The following NYAP2 variants were observed in gnomAD, a reference collection of about 807,000 sequenced individuals.
NYAP2 encodes the protein neuronal tyrosine-phosphorylated phosphoinositide-3-kinase adapter 2.
A neutral mutation model predicts 50.4 loss-of-function variants in NYAP2; 23 were observed. The observed-to-expected ratio is 0.46, with a 90% CI of 0.33 to 0.65. The LOEUF is 0.65. Among genes scored for constraint, NYAP2 ranks in the 30% least tolerant of loss-of-function variants. The pLI, the probability that NYAP2 is intolerant of heterozygous loss-of-function variation, is 0.02. For synonymous variants in NYAP2, 394 were observed against 365.2 expected (o/e 1.08, Z -0.90); for missense variants, 885 against 861.0 (o/e 1.03, Z -0.35).
chr2:225,563,898 A>T (rs1691916372), intron 4 of NYAP2, among the ~76,000 whole-genome samples: 1 of 152,072 alleles, frequency 6.6e-6, no homozygotes, highest in African/African-American at 2.4e-5. Context: ...TTAAGGTATG[A>T]CTTGGGGGTG....
chr2:225,458,118 ATG>A (rs1354680800), intron 3 of NYAP2, among the ~76,000 whole-genome samples: 3 of 152,170 alleles, frequency 2.0e-5, no homozygotes, highest in Non-Finnish European at 4.4e-5. Context: ...ATTGAAGAAA[ATG>A]TAAAATTAGC....
chr2:225,517,338 A>AT (rs1437433900), intron 4 of NYAP2, among the ~76,000 whole-genome samples: 2 of 152,154 alleles, frequency 1.3e-5, no homozygotes, highest in African/African-American at 4.8e-5. Context: ...GAGAGGCCCT[A>AT]TGAGCTGTGT....
chr2:225,594,261 T>A (rs1396783765), intron 5 of NYAP2, among the ~76,000 whole-genome samples: 1 of 152,168 alleles, frequency 6.6e-6, no homozygotes, highest in Non-Finnish European at 1.5e-5. Context: ...CGGTGGCTGA[T>A]GCCTGTAATC....
chr2:225,573,313 G>A (rs756196225), intron 4 of NYAP2, among the ~76,000 whole-genome samples: 19 of 147,266 alleles, frequency 1.3e-4, no homozygotes, highest in South Asian at 2.1e-4. Flanking sequence ...GTGCAATGCC[G>A]TGATCTAGGC....
At chr2:225,681,274 A>G in the NYAP2 span, among the ~76,000 whole-genome samples, 2 of 152,196 alleles carry the variant, frequency 1.3e-5, no homozygotes, top group Non-Finnish European at 2.9e-5. Context: ...AAGATCACAT[A>G]TGAAAAATTT....
downstream of NYAP2, among the ~76,000 whole-genome samples, chr2:225,658,452 T>A (rs1693861948): frequency 1.3e-5 from 2 of 152,218 alleles, no homozygotes; most frequent in African/African-American, 4.8e-5. Context: ...GAAATTATGC[T>A]TATTTGTTAT....
intron 4 of NYAP2, among the ~76,000 whole-genome samples, chr2:225,517,130 A>G (rs1003947629): frequency 6.6e-6 from 1 of 152,236 alleles, no homozygotes; most frequent in Non-Finnish European, 1.5e-5. Flanking sequence ...ACTCTGTTAC[A>G]TTAAAAATAT....
chr2:225,510,512 C>A (rs1316556419), intron 3 of NYAP2, among the ~76,000 whole-genome samples: 1 of 152,188 alleles, frequency 6.6e-6, no homozygotes, highest in African/African-American at 2.4e-5. Flanking sequence ...ATGTTCCTAG[C>A]AAATTCAGAA....
At chr2:225,660,274 A>C in the NYAP2 span, among the ~76,000 whole-genome samples, 1 of 152,178 alleles carries the variant, frequency 6.6e-6, no homozygotes, top group African/African-American at 2.4e-5. Flanking sequence ...AAGTACGTAG[A>C]AATTGGCTAC....
chr2:225,685,682 T>A, the NYAP2 span, among the ~76,000 whole-genome samples: 3 of 152,142 alleles, frequency 2.0e-5, no homozygotes, highest in Non-Finnish European at 1.5e-5. Flanking sequence ...TACTTTATAA[T>A]CATAAAATAG....
intron 5 of NYAP2, among the ~76,000 whole-genome samples, chr2:225,609,784 G>T (rs770407869): frequency 6.6e-6 from 1 of 152,136 alleles, no homozygotes; most frequent in Non-Finnish European, 1.5e-5. Flanking sequence ...AGTGTTAATA[G>T]CATCATAATA....
chr2:225,405,297 C>G (rs542750176), intron 2 of NYAP2, among the ~76,000 whole-genome samples: 14 of 152,016 alleles, frequency 9.2e-5, no homozygotes, highest in African/African-American at 2.9e-4. Context: ...TGAGACAGAG[C>G]TAAAGATGCT....
At chr2:225,425,421 G>T (rs1220472882) in intron 3 of NYAP2, among the ~76,000 whole-genome samples, 1 of 152,178 alleles carries the variant, frequency 6.6e-6, no homozygotes, top group Non-Finnish European at 1.5e-5. Flanking sequence ...ATTAAATTGA[G>T]GTCTCATGTT....
At chr2:225,539,346 T>C (rs1419452009) in intron 4 of NYAP2, among the ~76,000 whole-genome samples, 1 of 152,248 alleles carries the variant, frequency 6.6e-6, no homozygotes, top group Non-Finnish European at 1.5e-5. Flanking sequence ...TTTATAATCC[T>C]TTGGGTATAT....
chr2:225,591,058 T>C (rs1278929503), intron 5 of NYAP2, among the ~76,000 whole-genome samples: 2 of 152,244 alleles, frequency 1.3e-5, no homozygotes, highest in East Asian at 3.9e-4. Flanking sequence ...AGTCCTCACC[T>C]CAGAAGTCCA....
the NYAP2 span, among the ~76,000 whole-genome samples, chr2:225,659,656 T>C: frequency 6.6e-6 from 1 of 152,290 alleles, no homozygotes; most frequent in Admixed American, 6.5e-5. Context: ...ATATGAGACT[T>C]ACAGGAAGTA....
chr2:225,632,459 A>G (rs1018167393), intron 6 of NYAP2, among the ~76,000 whole-genome samples: 7 of 152,208 alleles, frequency 4.6e-5, no homozygotes, highest in Non-Finnish European at 8.8e-5. Flanking sequence ...TTGCTTTACC[A>G]AAAGTAGTTT....
the NYAP2 span, among the ~76,000 whole-genome samples, chr2:225,669,317 T>C: frequency 6.6e-6 from 1 of 152,150 alleles, no homozygotes; most frequent in Admixed American, 6.6e-5. Flanking sequence ...TGTTTTAAAA[T>C]GAAAGGCCTT....
chr2:225,493,618 G>A (rs1049882736), intron 3 of NYAP2, among the ~76,000 whole-genome samples: 3 of 152,106 alleles, frequency 2.0e-5, no homozygotes, highest in African/African-American at 4.8e-5. Flanking sequence ...ACCTGGATTC[G>A]TGCATTTGCG....
Sources: allele counts gnomAD v4.1 joint callset (sites outside exome capture counted in the v4.1 genomes callset), GRCh38; gene constraint gnomAD v4.1.1; transcripts MANE v1.5; gene names NCBI Gene and HGNC (gene_info 2026-07-23, HGNC 2026-07-21).